TBC1D9B: variants seen among roughly 807,000 people sequenced by gnomAD.
The protein encoded by TBC1D9B is TBC1 domain family member 9B, also known as TBC1 domain family, member 9B (with GRAM domain).
TBC1D9B carries 87 observed loss-of-function variants against 121.1 expected under a neutral mutation model. The ratio of observed to expected loss-of-function variants is 0.72; its 90% CI spans 0.60 to 0.86. TBC1D9B has a LOEUF of 0.86. TBC1D9B is among the 40% of genes least tolerant of loss of function. The pLI is 0.00. For synonymous variants in TBC1D9B, 668 were observed against 670.1 expected (o/e 1.00, Z 0.05); for missense variants, 1,540 against 1,628.6 (o/e 0.95, Z 0.94).
chr5:179,899,377 G>A, intron 2 of TBC1D9B, 70 bp from the exon 3 acceptor site: 2 of 1,379,628 alleles, frequency 1.4e-6, no homozygotes. Flanking sequence ...ATTCAAAGAA[G>A]CGAGATGAAA....
At position 179,907,171 on chromosome 5, in the gene TBC1D9B, G is replaced by A. The variant is rs955205945; in HGVS notation, c.118+533C>T. The stretch of plus-strand genomic sequence containing the variant: ...GCAGCCAGGAGCAGGAAAGGTGGGG[G>A]AGGAGAAGCTGGGGGAATGGGGGTG... On this transcript the variant is annotated intron_variant, in intron 1 of 20. Transcript: ENST00000355235. This position sits in a 1 kb window ranked among gnomAD's most constrained non-coding sequence, Gnocchi z 5.3. Among the ~76,000 whole-genome samples, 3 of 152,170 alleles carry A rather than the reference G, an allele frequency of 2.0e-5. No homozygotes were observed. The highest frequency in any genetic ancestry group is 1.3e-4 in the Admixed American group (2 of 15,292).
rs571886120 is a variant in TBC1D9B at position 179,885,377 on chromosome 5, G to T, written c.1254+2726C>A. On this transcript the variant is annotated intron_variant, in intron 7 of 20. Coordinates refer to ENST00000355235, the MANE Select transcript of TBC1D9B (RefSeq NM_015043.4). The surrounding 1 kb of genome is among the most constrained non-coding windows in gnomAD (Gnocchi z 4.5). Reference sequence around the variant, plus strand: ...GGCTGAGGCAGGTGGATCGCCTGAGGTCAGGAGTTCAAGACCAGACTGGCC... The same window carrying T: ...GGCTGAGGCAGGTGGATCGCCTGAGTTCAGGAGTTCAAGACCAGACTGGCC... Among the ~76,000 whole-genome samples, 229 of 152,182 alleles carry T rather than the reference G, an allele frequency of 1.5e-3. 2 individuals carry two copies. Among genetic ancestry groups the T allele is most frequent in the African/African-American group, 5.3e-3 (219 of 41,524 alleles).
At chr5:179,872,848 G>GCCCCCCCCCCCCCCCCCCCCCCCC in intron 14 of TBC1D9B, 44 bp downstream of exon 14, 53 of 1,457,156 alleles carry the variant, frequency 3.6e-5, no homozygotes, top group East Asian at 2.9e-4. Flanking sequence ...AGGCACTGCT[G>GCCCCCCCCCCCCCCCCCCCCCCCC]CCCCCCCAGC....
intron 16 of TBC1D9B, among the ~76,000 whole-genome samples, 174 bp from the exon 17 acceptor site, chr5:179,870,008 C>A (rs1268830582): frequency 6.6e-6 from 1 of 152,188 alleles, no homozygotes; most frequent in Non-Finnish European, 1.5e-5. Context: ...AGGCTCAGCC[C>A]TTCCCTGGGG....
intron 10 of TBC1D9B, 130 bp downstream of exon 10, chr5:179,878,179 A>C: frequency 1.1e-6 from 1 of 941,960 alleles, no homozygotes; most frequent in Non-Finnish European, 1.6e-6. Context: ...TTTAAATTAC[A>C]TCTTTTTCTG....
rs537003770 is a variant in TBC1D9B, at chr5:179,897,958, T to C, written c.348+1231A>G. On this transcript the variant is annotated intron_variant, in intron 3 of 20. Transcript: ENST00000355235. ...CAAAGCAACTTTGCACCACACGACT[T>C]TGACCTGGTAAGAGCCCTCCCATGA... 2.6e-5 allele frequency among the ~76,000 whole-genome samples: 4 copies of C among 152,298 alleles called. No individual in the cohort carries two copies. The East Asian group carries it at 5.8e-4, about 22-fold the overall frequency.
Position 179,867,751 on chromosome 5 carries a change from A to G in TBC1D9B, c.2863+27T>C, listed in dbSNP as rs11952653. 1,419 of 1,598,764 alleles carry G rather than the reference A, an allele frequency of 8.9e-4. 10 individuals are homozygous for G. In the African/African-American group the frequency reaches 0.017, roughly 19 times the overall value. ...GGTGGCTGCAGAGTGCTGGCTGGGC[A>G]TGTCGGGTGTTCCAGTGGCCGCTCA... On this transcript the variant is annotated intron_variant, in intron 18 of 20. Transcript: ENST00000355235.
chr5:179,896,658 G>A (rs1761024509), intron 3 of TBC1D9B, among the ~76,000 whole-genome samples: 1 of 151,942 alleles, frequency 6.6e-6, no homozygotes, highest in Non-Finnish European at 1.5e-5. Flanking sequence ...AAATAGGTGG[G>A]ATTACAGGTG....
intron 7 of TBC1D9B, among the ~76,000 whole-genome samples, chr5:179,881,678 GTCTCCTTTCCCCCTT>G (rs990193416): frequency 6.6e-6 from 1 of 152,120 alleles, no homozygotes; most frequent in Non-Finnish European, 1.5e-5. Context: ...TAATCTCACT[GTCTCCTTTCCCCCTT>G]TCAAGTTTTT....
At chr5:179,897,895 T>C (rs1761061812) in intron 3 of TBC1D9B, among the ~76,000 whole-genome samples, 2 of 152,224 alleles carry the variant, frequency 1.3e-5, no homozygotes, top group Admixed American at 1.3e-4. Flanking sequence ...TGTCCAGGCT[T>C]AGGAAGTTCT....
Position 179,871,455 on chromosome 5 carries a change from C to G in TBC1D9B, c.2484+7G>C, listed in dbSNP as rs747717069. 9.9e-6 allele frequency: 16 copies of G among 1,612,168 alleles called. No homozygotes were observed. Among genetic ancestry groups the G allele is most frequent in the Non-Finnish European group, 7.6e-6 (9 of 1,179,236 alleles). ...GAACGGGTCCTGCCCTGGCTCTGAG[C>G]TGTCACCTTAAACACCATGTAAAGG... On this transcript the variant is annotated splice_region_variant and intron_variant, in intron 15 of 20. Transcript: ENST00000355235.
chr5:179,899,182 A>G lies in TBC1D9B; in HGVS notation c.348+7T>C. 6.3e-7 allele frequency: 1 copy of G among 1,589,312 alleles called. No homozygotes were observed. On this transcript the variant is annotated splice_region_variant and intron_variant, in intron 3 of 20. Transcript: ENST00000355235. ...GGTGAGAACAGAGAGTGGCGGGTAA[A>G]CCTTACGTGTATCTTGCCCTTGACG...
At chr5:179,905,121 C>T (rs1582110314) in intron 1 of TBC1D9B, among the ~76,000 whole-genome samples, 5 of 152,150 alleles carry the variant, frequency 3.3e-5, no homozygotes, top group Admixed American at 3.3e-4. Context: ...GCCCTCTTTA[C>T]GTATACAAAA....
chr5:179,894,184 C>T (rs537346079), intron 4 of TBC1D9B, among the ~76,000 whole-genome samples: 19 of 152,230 alleles, frequency 1.2e-4, no homozygotes, highest in Non-Finnish European at 2.1e-4. Context: ...ACCCTACTAG[C>T]GAGTGGGGGG....
rs181013051 is a variant in TBC1D9B at position 179,903,926 on chromosome 5, C to T, written c.229+776G>A. Among the ~76,000 whole-genome samples the T allele has an allele frequency of 6.4e-4, 98 of 152,188 alleles. 1 individual carries two copies. In the East Asian group the frequency reaches 0.015, roughly 23 times the overall value. On this transcript the variant is annotated intron_variant, in intron 2 of 20. Transcript: ENST00000355235. ...CGTCCTGTTCTGCCTCAGCTGGGGA[C>T]ATGGGCATCAGGCGAGTCAAATTTT...
At chr5:179,898,921 G>A (rs1038295295) in intron 3 of TBC1D9B, among the ~76,000 whole-genome samples, 4 of 152,184 alleles carry the variant, frequency 2.6e-5, no homozygotes, top group African/African-American at 4.8e-5. Context: ...CCGTCTATCT[G>A]CGTACGCCTT....
At position 179,879,210 on chromosome 5, in the gene TBC1D9B, C is replaced by T. The variant is rs770231781; in HGVS notation, c.1417-13G>A. Reference sequence around the variant, plus strand: ...TCTTCTCCTTGGCCTGAGGGAAAAGCGCATCAGGGAGCCTGGGGGCCGAAG... The same window carrying T: ...TCTTCTCCTTGGCCTGAGGGAAAAGTGCATCAGGGAGCCTGGGGGCCGAAG... On this transcript the variant is annotated splice_polypyrimidine_tract_variant and intron_variant, in intron 8 of 20. Transcript: ENST00000355235. 3.8e-6 allele frequency: 6 copies of T among 1,595,940 alleles called. No individual in the cohort carries two copies. The highest frequency in any genetic ancestry group is 4.5e-5 in the East Asian group (2 of 44,628).
intron 7 of TBC1D9B, among the ~76,000 whole-genome samples, chr5:179,881,333 C>G (rs1760536283): frequency 6.6e-6 from 1 of 152,196 alleles, no homozygotes; most frequent in South Asian, 2.1e-4. Context: ...CTGAACCACA[C>G]TTCTTCCTGT....
Position 179,863,800 on chromosome 5 carries a change from T to A in TBC1D9B, c.3350A>T (p.Glu1117Val). The A allele has an allele frequency of 6.2e-7, 1 of 1,613,606 alleles. No homozygotes were observed. Among genetic ancestry groups the A allele is most frequent in the Non-Finnish European group, 8.5e-7 (1 of 1,179,952 alleles). The change falls in exon 21 of 21, where the codon GAG (glutamate) becomes GTG (valine). Residue 1117 changes from glutamate (E) to valine (V), a missense_variant. By Grantham distance (121) the Glu-to-Val change is moderately radical. Coordinates refer to ENST00000355235, the MANE Select transcript of TBC1D9B (RefSeq NM_015043.4). The surrounding 1 kb of genome is among the most constrained non-coding windows in gnomAD (Gnocchi z 4.5). Reference sequence around the variant, plus strand: ...CAGCTGGGAGGGTGAGCCCTGTCCCTCGCCGCTGCCCCCCTCCACCACCAC... The same window carrying A: ...CAGCTGGGAGGGTGAGCCCTGTCCCACGCCGCTGCCCCCCTCCACCACCAC... ...SQVVVEGGSG[E>V]GQGSPSQLLS...
Sources: gnomAD v4.1 joint callset for allele counts (sites outside exome capture counted in the v4.1 genomes callset) on GRCh38, gnomAD v4.1.1 for gene constraint, Gnocchi (gnomAD v3.1) non-coding constraint, MANE v1.5 for transcripts, NCBI Gene and HGNC (gene_info 2026-07-23, HGNC 2026-07-21) for gene names.